PPP2R2A: variants seen among roughly 807,000 people sequenced by gnomAD.
PPP2R2A encodes serine/threonine-protein phosphatase 2A 55 kDa regulatory subunit B alpha isoform.
PPP2R2A carries 9 observed loss-of-function variants against 53.2 expected under a neutral mutation model. The ratio of observed to expected loss-of-function variants is 0.17; its 90% CI spans 0.10 to 0.30. The LOEUF (loss-of-function observed/expected upper bound fraction) is 0.30, where lower values mean the gene tolerates loss of function less well. PPP2R2A is among the 10% of genes least tolerant of loss of function. PPP2R2A has a pLI of 1.00. For synonymous variants in PPP2R2A, 169 were observed against 174.2 expected (o/e 0.97, Z 0.23); for missense variants, 235 against 534.6 (o/e 0.44, Z 5.53).
chr8:26,342,276 T>A (rs1050776654), intron 3 of PPP2R2A, among the ~76,000 whole-genome samples: 4 of 152,222 alleles, frequency 2.6e-5, no homozygotes, highest in African/African-American at 9.6e-5. Context: ...CTTTATAGCA[T>A]GACCCGATAT....
At chr8:26,355,372 T>C (rs1319095043) in intron 4 of PPP2R2A, among the ~76,000 whole-genome samples, 4 of 152,176 alleles carry the variant, frequency 2.6e-5, no homozygotes, top group South Asian at 4.1e-4. Context: ...CCTGAGTAGC[T>C]GGGACCACAG....
intron 3 of PPP2R2A, among the ~76,000 whole-genome samples, chr8:26,339,749 A>G (rs1341393993): frequency 1.3e-5 from 2 of 152,094 alleles, no homozygotes; most frequent in Non-Finnish European, 2.9e-5. Flanking sequence ...CCTATTTATA[A>G]TATATTTAAA....
chr8:26,369,126 C>G lies in PPP2R2A; in HGVS notation c.1065-1008C>G, dbSNP rs543734484. On this transcript the variant is annotated intron_variant, in intron 9 of 9. Transcript: ENST00000380737. ...CCGTCTCAAAAAAAAAAAAATTATA[C>G]ACACACACACACACACATTATGTAC... 8.0e-5 allele frequency among the ~76,000 whole-genome samples: 12 copies of G among 149,678 alleles called. No homozygotes were observed. The South Asian group carries it at 2.1e-3, about 26-fold the overall frequency.
Position 26,360,080 on chromosome 8 carries a change from T to G in PPP2R2A, c.347-89T>G. The G allele has an allele frequency of 1.5e-6, 1 of 667,434 alleles. No homozygotes were observed. Among genetic ancestry groups the G allele is most frequent in the East Asian group, 2.7e-5 (1 of 37,110 alleles). 41.3% of individuals were successfully genotyped at this position (667,434 alleles called of 1,614,324 possible). On this transcript the variant is annotated intron_variant, in intron 4 of 9. Transcript: ENST00000380737. This position sits in a 1 kb window ranked among gnomAD's most constrained non-coding sequence, Gnocchi z 4.5. Reference sequence around the variant, plus strand: ...TTTTTTTTTTTTCGTGGAATCCTTTTACGTGAAATGTGAAATAGCATATTT... The same window carrying G: ...TTTTTTTTTTTTCGTGGAATCCTTTGACGTGAAATGTGAAATAGCATATTT...
Position 26,338,530 on chromosome 8 carries a change from A to C in PPP2R2A, c.83-360A>C, listed in dbSNP as rs1016089004. 1.5e-4 allele frequency among the ~76,000 whole-genome samples: 23 copies of C among 152,274 alleles called. No homozygotes were observed. Among genetic ancestry groups the C allele is most frequent in the African/African-American group, 3.9e-4 (16 of 41,478 alleles). On this transcript the variant is annotated intron_variant, in intron 2 of 9. Transcript: ENST00000380737. The surrounding 1 kb of genome is among the most constrained non-coding windows in gnomAD (Gnocchi z 4.5). ...GATGATTATTTGCATTTGCATAAAC[A>C]AGCTTATCAAATGTATATAAGAAAA... is the stretch of plus-strand genomic sequence containing the variant.
At position 26,370,468 on chromosome 8, in the gene PPP2R2A, C is replaced by G; in HGVS notation, c.*55C>G. The G allele has an allele frequency of 6.4e-7, 1 of 1,571,338 alleles. No individual in the cohort carries two copies. Among genetic ancestry groups the G allele is most frequent in the South Asian group, 1.1e-5 (1 of 87,344 alleles). ...TCCTGCTTAGTTGAGATAGTTGAATCTAGCATTCGTTCCTATAAAAGAGAG... is the reference window on the plus strand; with the variant it reads ...TCCTGCTTAGTTGAGATAGTTGAATGTAGCATTCGTTCCTATAAAAGAGAG... On this transcript the variant is annotated 3_prime_UTR_variant, in exon 10 of 10. Transcript: ENST00000380737. The surrounding 1 kb of genome is among the most constrained non-coding windows in gnomAD (Gnocchi z 6.1).
At position 26,291,865 on chromosome 8, in the gene PPP2R2A, G is replaced by A. The variant is rs759214090; in HGVS notation, c.7+39G>A. 2.6e-5 allele frequency: 41 copies of A among 1,606,270 alleles called. 1 individual carries two copies. Among genetic ancestry groups the A allele is most frequent in the Admixed American group, 2.0e-4 (12 of 59,148 alleles). On this transcript the variant is annotated intron_variant, in intron 1 of 9. Transcript: ENST00000380737. ...CCCCCTCGCCCCCTGACAAGGCACCGCTTCCTTATTCCTCCCTCCATCACC... is the reference window on the plus strand; with the variant it reads ...CCCCCTCGCCCCCTGACAAGGCACCACTTCCTTATTCCTCCCTCCATCACC...
chr8:26,301,062 G>A (rs1297400477), intron 2 of PPP2R2A, among the ~76,000 whole-genome samples: 5 of 152,088 alleles, frequency 3.3e-5, no homozygotes, highest in African/African-American at 1.2e-4. Flanking sequence ...AGATACTGGT[G>A]GGAAAGTTAA....
chr8:26,297,136 CAG>C (rs1215502987), intron 2 of PPP2R2A, among the ~76,000 whole-genome samples: 3 of 152,040 alleles, frequency 2.0e-5, no homozygotes, highest in Admixed American at 1.3e-4. Flanking sequence ...GTGTGTGAGA[CAG>C]AGTCTCACTC....
At chr8:26,361,461 C>CT (rs1805078602) in intron 6 of PPP2R2A, among the ~76,000 whole-genome samples, 1 of 152,030 alleles carries the variant, frequency 6.6e-6, no homozygotes, top group Admixed American at 6.6e-5. Flanking sequence ...TTTGTGAGGT[C>CT]TGTGTATGGT....
chr8:26,351,026 A>G (rs1177438884), intron 3 of PPP2R2A, among the ~76,000 whole-genome samples: 6 of 152,096 alleles, frequency 3.9e-5, no homozygotes, highest in African/African-American at 9.7e-5. Flanking sequence ...AAACCCACAC[A>G]TTTGTTAGAA....
In PPP2R2A at chr8:26,361,120, T is replaced by G; in HGVS notation, c.606T>G (p.Leu202=). ...YLSADDLRIN[L]WHLEITDRSF... is the part of the protein sequence containing the mutation. ...CTGCAGATGATTTGCGGATTAATCTTTGGCATCTGGAAATTACAGACAGGA... is the reference window on the plus strand; with the variant it reads ...CTGCAGATGATTTGCGGATTAATCTGTGGCATCTGGAAATTACAGACAGGA... Residue 202 remains leucine (L), a synonymous_variant, in exon 6 of 10, where the codon CTT becomes CTG. Transcript: ENST00000380737. The G allele has an allele frequency of 6.3e-7, 1 of 1,597,324 alleles. No individual in the cohort carries two copies. Among genetic ancestry groups the G allele is most frequent in the Non-Finnish European group, 8.5e-7 (1 of 1,176,138 alleles).
Position 26,360,527 on chromosome 8 carries a change from C to G in PPP2R2A, c.459+246C>G. The stretch of plus-strand genomic sequence containing the variant: ...AGTATTTCACGCCATCAGACTTCAT[C>G]TCTGGTTTGTCATGTTAGCTATCAC... On this transcript the variant is annotated intron_variant, in intron 5 of 9. Transcript: ENST00000380737. This position sits in a 1 kb window ranked among gnomAD's most constrained non-coding sequence, Gnocchi z 4.5. 1 of 320,524 alleles carries G rather than the reference C, an allele frequency of 3.1e-6. No individual in the cohort carries two copies. The highest frequency in any genetic ancestry group is 5.6e-6 in the Non-Finnish European group (1 of 178,178). The allele number at this position is 320,524 out of a possible 1,614,324, so 19.9% of individuals were successfully genotyped here. A position where few individuals can be genotyped will look rare whatever the true frequency, so the allele number is the denominator to read the frequency against.
chr8:26,346,939 G>T (rs185091996), intron 3 of PPP2R2A, among the ~76,000 whole-genome samples: 1 of 152,094 alleles, frequency 6.6e-6, no homozygotes, highest in African/African-American at 2.4e-5. Context: ...CTCAAATGTC[G>T]GGGTGTCATG....
chr8:26,348,354 C>T (rs1036490768), intron 3 of PPP2R2A, among the ~76,000 whole-genome samples: 3 of 152,068 alleles, frequency 2.0e-5, no homozygotes, highest in Non-Finnish European at 2.9e-5. Flanking sequence ...CAAAGTATTC[C>T]AGAATTGGAG....
chr8:26,369,474 T>C (rs904263471), intron 9 of PPP2R2A, among the ~76,000 whole-genome samples: 2 of 151,798 alleles, frequency 1.3e-5, no homozygotes, highest in African/African-American at 4.8e-5. Context: ...CACTGCAAGC[T>C]CCACCTCCCG....
At chr8:26,336,388 C>T (rs541797827) in intron 2 of PPP2R2A, among the ~76,000 whole-genome samples, 73 of 152,046 alleles carry the variant, frequency 4.8e-4, no homozygotes, top group African/African-American at 1.5e-3. Flanking sequence ...ATGATTGAAC[C>T]ACTGCATTCC....
At chr8:26,340,126 G>GC (rs1803867912) in intron 3 of PPP2R2A, among the ~76,000 whole-genome samples, 1 of 151,872 alleles carries the variant, frequency 6.6e-6, no homozygotes, top group African/African-American at 2.4e-5. Context: ...CGTGGGAAGT[G>GC]GGGGGCTAAA....
chr8:26,299,812 T>C (rs1801701679), intron 2 of PPP2R2A, among the ~76,000 whole-genome samples: 1 of 152,130 alleles, frequency 6.6e-6, no homozygotes, highest in Non-Finnish European at 1.5e-5. Context: ...ATTTAGGCAG[T>C]AAGGTAAGTT....
Sources: allele counts gnomAD v4.1 joint callset (sites outside exome capture counted in the v4.1 genomes callset), GRCh38; gene constraint gnomAD v4.1.1; non-coding constraint Gnocchi (gnomAD v3.1); transcripts MANE v1.5; gene names NCBI Gene and HGNC (gene_info 2026-07-23, HGNC 2026-07-21).